CCSER1: variants seen among roughly 807,000 people sequenced by gnomAD.
CCSER1 encodes coiled-coil serine rich protein 1.
Under a neutral mutation model 82.0 loss-of-function variants are expected in CCSER1, and 41 were observed. The observed-to-expected ratio is 0.50, with a 90% CI of 0.39 to 0.65. The LOEUF is 0.65. Among genes scored for constraint, CCSER1 ranks in the 30% least tolerant of loss-of-function variants. The pLI, the probability that CCSER1 is intolerant of heterozygous loss-of-function variation, is 0.00. For missense variants in CCSER1, 1,119 were observed against 1,064.2 expected (o/e 1.05, Z -0.72); for synonymous variants, 414 against 383.9 (o/e 1.08, Z -0.92).
At chr4:90,264,327 A>G (rs1316198289) in intron 1 of CCSER1, among the ~76,000 whole-genome samples, 1 of 152,132 alleles carries the variant, frequency 6.6e-6, no homozygotes, top group African/African-American at 2.4e-5. Context: ...TGTATTGTGT[A>G]TACATTGCAT....
chr4:91,200,218 G>C (rs936481166), intron 10 of CCSER1, among the ~76,000 whole-genome samples: 63 of 152,086 alleles, frequency 4.1e-4, no homozygotes, highest in African/African-American at 1.4e-3. Flanking sequence ...TCAAAAGAAA[G>C]ATTGTTTTCA....
intron 9 of CCSER1, among the ~76,000 whole-genome samples, chr4:90,969,825 C>A (rs1734919319): frequency 6.6e-6 from 1 of 151,418 alleles, no homozygotes; most frequent in Non-Finnish European, 1.5e-5. Flanking sequence ...TAATTCTAAT[C>A]TAAAGGTAAA....
intron 6 of CCSER1, among the ~76,000 whole-genome samples, chr4:90,654,820 A>G (rs533152541): frequency 1.3e-5 from 2 of 152,248 alleles, no homozygotes; most frequent in East Asian, 1.9e-4. Context: ...TTGCCAGAAA[A>G]GAAGTATAGA....
intron 3 of CCSER1, among the ~76,000 whole-genome samples, chr4:90,391,478 A>G (rs1339611253): frequency 1.1e-5 from 1 of 94,646 alleles, no homozygotes. Flanking sequence ...ATATATATAT[A>G]TATATATACA....
intron 4 of CCSER1, among the ~76,000 whole-genome samples, chr4:90,410,388 A>T (rs934113462): frequency 1.3e-5 from 2 of 152,016 alleles, no homozygotes; most frequent in African/African-American, 4.8e-5. Flanking sequence ...GAAGTAAAGC[A>T]CTCCTCAGCA....
chr4:90,851,118 A>C (rs1763829754), intron 8 of CCSER1, among the ~76,000 whole-genome samples: 1 of 152,242 alleles, frequency 6.6e-6, no homozygotes, highest in African/African-American at 2.4e-5. Flanking sequence ...ACGATTGTTA[A>C]GTTTTCTGGG....
At chr4:90,974,012 G>A (rs916141725) in intron 9 of CCSER1, among the ~76,000 whole-genome samples, 9 of 151,384 alleles carry the variant, frequency 5.9e-5, no homozygotes, top group East Asian at 1.9e-4. Flanking sequence ...TAAAAATCAC[G>A]ATCTCATAAA....
intron 9 of CCSER1, among the ~76,000 whole-genome samples, chr4:90,959,740 C>T (rs796771303): frequency 7.8e-5 from 11 of 141,092 alleles, no homozygotes; most frequent in South Asian, 2.2e-4. Flanking sequence ...CTCGGGTTTT[C>T]TTTTTTTTTT....
chr4:91,539,510 T>C (rs1341328547), intron 10 of CCSER1, among the ~76,000 whole-genome samples: 1 of 152,074 alleles, frequency 6.6e-6, no homozygotes, highest in African/African-American at 2.4e-5. Flanking sequence ...AAAATTTATC[T>C]CAAACATCCT....
chr4:91,323,477 T>C (rs930813979), intron 10 of CCSER1, among the ~76,000 whole-genome samples: 1 of 152,118 alleles, frequency 6.6e-6, no homozygotes, highest in African/African-American at 2.4e-5. Context: ...TTCAAGTAAA[T>C]TGAACTTTTG....
At chr4:91,050,939 A>T (rs1299101324) in intron 9 of CCSER1, among the ~76,000 whole-genome samples, 1 of 152,146 alleles carries the variant, frequency 6.6e-6, no homozygotes, top group African/African-American at 2.4e-5. Flanking sequence ...CCTTCTTATA[A>T]TATTTTCAAA....
chr4:91,539,590 T>C (rs898379945), intron 10 of CCSER1, among the ~76,000 whole-genome samples: 9 of 152,086 alleles, frequency 5.9e-5, no homozygotes, highest in Admixed American at 5.9e-4. Context: ...GTTTCCTAAA[T>C]CAGCATGTGG....
intron 8 of CCSER1, among the ~76,000 whole-genome samples, chr4:90,840,947 A>C (rs1186878225): frequency 6.6e-6 from 1 of 152,174 alleles, no homozygotes; most frequent in Non-Finnish European, 1.5e-5. Context: ...TGTATTGCAT[A>C]ATAGTTACAT....
chr4:91,373,239 A>C (rs748607107), intron 10 of CCSER1, among the ~76,000 whole-genome samples: 7 of 152,082 alleles, frequency 4.6e-5, no homozygotes, highest in Non-Finnish European at 8.8e-5. Context: ...CAGGATATGC[A>C]ATTATAGGCA....
At chr4:91,251,857 C>T (rs189367126) in intron 10 of CCSER1, among the ~76,000 whole-genome samples, 1 of 152,190 alleles carries the variant, frequency 6.6e-6, no homozygotes, top group Admixed American at 6.5e-5. Flanking sequence ...TTGGCGTTGT[C>T]ACTCAGCAGT....
rs994702770 is a variant in CCSER1 at position 90,312,749 on chromosome 4, G to T, written c.1325-114G>T. Reference sequence around the variant, plus strand: ...ATGCTATACATTTAAAAGTTTTCTTGTGATAGAGAAACTTTGAATAACACT... The same window carrying T: ...ATGCTATACATTTAAAAGTTTTCTTTTGATAGAGAAACTTTGAATAACACT... On this transcript the variant is annotated intron_variant, in intron 2 of 10. Transcript: ENST00000509176. The T allele has an allele frequency of 1.4e-4, 116 of 808,992 alleles. No homozygotes were observed. The East Asian group carries it at 3.1e-3, about 21-fold the overall frequency. 50.1% of individuals were successfully genotyped at this position (808,992 alleles called of 1,614,324 possible).
At chr4:91,330,767 T>C (rs569418094) in intron 10 of CCSER1, among the ~76,000 whole-genome samples, 1 of 152,300 alleles carries the variant, frequency 6.6e-6, no homozygotes, top group African/African-American at 2.4e-5. Flanking sequence ...AGGTTTCACT[T>C]CCAAATTACA....
At chr4:90,530,185 G>T (rs1578988463) in intron 5 of CCSER1, among the ~76,000 whole-genome samples, 1 of 152,252 alleles carries the variant, frequency 6.6e-6, no homozygotes, top group African/African-American at 2.4e-5. Context: ...GTCCCTTAAA[G>T]TATGAAGCTG....
intron 9 of CCSER1, among the ~76,000 whole-genome samples, chr4:91,006,878 A>T (rs890784492): frequency 1.3e-5 from 2 of 152,130 alleles, no homozygotes; most frequent in East Asian, 3.9e-4. Context: ...AGATCTTTCA[A>T]CTTTTTCCTG....
Sources: allele counts gnomAD v4.1 joint callset (sites outside exome capture counted in the v4.1 genomes callset), GRCh38; gene constraint gnomAD v4.1.1; transcripts MANE v1.5; gene names NCBI Gene and HGNC (gene_info 2026-07-23, HGNC 2026-07-21).